Variants in TBL1X observed in about 807,000 individuals in gnomAD.
TBL1X encodes F-box-like/WD repeat-containing protein TBL1X.
TBL1X carries 10 observed loss-of-function variants against 50.7 expected under a neutral mutation model. The observed-to-expected ratio is 0.20, with a 90% CI of 0.12 to 0.33. The LOEUF is 0.33. Among genes scored for constraint, TBL1X ranks in the 10% least tolerant of loss-of-function variants. The probability of loss-of-function intolerance (pLI) is 1.00; values close to 1 mark genes in which losing one functional copy is unlikely to be tolerated. For synonymous variants in TBL1X, 190 were observed against 214.7 expected, an observed-to-expected ratio of 0.88 and a Z score of 1.01; for missense variants, 340 against 504.4, an observed-to-expected ratio of 0.67 and a Z score of 3.12.
intron 1 of TBL1X, among the ~76,000 whole-genome samples, chrX:9,475,461 G>A (rs1245502143): frequency 9.1e-6 from 1 of 109,632 alleles, no homozygotes; most frequent in Non-Finnish European, 1.9e-5. Flanking sequence ...GGCCAGGCTG[G>A]TTTCGAACTC....
At chrX:9,554,439 C>G (rs1176098486) in intron 2 of TBL1X, among the ~76,000 whole-genome samples, 1 of 112,168 alleles carries the variant, frequency 8.9e-6, no homozygotes, top group Non-Finnish European at 1.9e-5. Context: ...ATGTTATGTA[C>G]AAATATGACT....
At chrX:9,628,303 A>G (rs2146575583) in intron 2 of TBL1X, among the ~76,000 whole-genome samples, 1 of 111,938 alleles carries the variant, frequency 8.9e-6, no homozygotes, top group African/African-American at 3.2e-5. Flanking sequence ...CCCCCACTGG[A>G]TGCCAGCAGC....
intron 2 of TBL1X, among the ~76,000 whole-genome samples, chrX:9,627,706 C>A (rs1485847525): frequency 8.9e-6 from 1 of 112,216 alleles, no homozygotes; most frequent in Non-Finnish European, 1.9e-5. Flanking sequence ...AGTTACTACT[C>A]CCTTCAATAT....
intron 2 of TBL1X, chrX:9,534,931 C>T (rs1301669996): frequency 8.9e-6 from 1 of 111,885 alleles, no homozygotes; most frequent in Non-Finnish European, 1.9e-5. Context: ...CTCCCTGCTT[C>T]TTTGAATTTC....
In TBL1X at chrX:9,486,351, C is replaced by T. The variant is rs188316655; in HGVS notation, c.-200-15429C>T. 4.0e-3 allele frequency among the ~76,000 whole-genome samples: 441 copies of T among 109,448 alleles called. 4 individuals carry two copies. The highest frequency in any genetic ancestry group is 0.014 in the African/African-American group (416 of 30,027). On this transcript the variant is annotated intron_variant, in intron 1 of 17. Transcript: ENST00000645353. ...TGGGCTCAAGCGATCCTCCCACCTC[C>T]GCCTCTCTAGCAGCTAGGACTACAG...
At chrX:9,700,753 G>A (rs139357512) in intron 12 of TBL1X, among the ~76,000 whole-genome samples, 8 of 111,289 alleles carry the variant, frequency 7.2e-5, no homozygotes, top group African/African-American at 2.6e-4. Context: ...ACACCTCGTG[G>A]GGGCGCCCTT....
intron 2 of TBL1X, among the ~76,000 whole-genome samples, chrX:9,579,740 A>G (rs1224350987): frequency 5.4e-5 from 6 of 110,773 alleles, no homozygotes; most frequent in Non-Finnish European, 9.5e-5. Context: ...GGTGAATGCT[A>G]TTTTACAACT....
At chrX:9,610,342 C>T (rs767360977) in intron 2 of TBL1X, among the ~76,000 whole-genome samples, 22 of 112,452 alleles carry the variant, frequency 2.0e-4, no homozygotes, top group Non-Finnish European at 3.2e-4. Flanking sequence ...TAGCCAATAA[C>T]GGATTATTTT....
chrX:9,655,216 A>C (rs1439431721), intron 5 of TBL1X, among the ~76,000 whole-genome samples: 2 of 111,024 alleles, frequency 1.8e-5, no homozygotes, highest in Non-Finnish European at 3.8e-5. Context: ...GCTTAAAAAG[A>C]AATATGTTGT....
chrX:9,700,249 G>A (rs189416399), intron 12 of TBL1X, among the ~76,000 whole-genome samples: 2 of 112,490 alleles, frequency 1.8e-5, no homozygotes, highest in Non-Finnish European at 3.8e-5. Flanking sequence ...CAGACCCCGG[G>A]GGGTGAGGCA....
At chrX:9,651,503 G>A (rs779826871) in intron 3 of TBL1X, among the ~76,000 whole-genome samples, 5 of 112,523 alleles carry the variant, frequency 4.4e-5, no homozygotes, top group Non-Finnish European at 7.5e-5. Context: ...ATTTGCTATT[G>A]GCACTGTGTT....
intron 2 of TBL1X, among the ~76,000 whole-genome samples, chrX:9,524,037 C>G (rs1441232002): frequency 2.3e-5 from 2 of 88,776 alleles, no homozygotes; most frequent in Non-Finnish European, 4.2e-5. Flanking sequence ...GCACGATCTT[C>G]ACTCACTGCA....
At chrX:9,575,129 C>G (rs1276326384) in intron 2 of TBL1X, among the ~76,000 whole-genome samples, 1 of 111,457 alleles carries the variant, frequency 9.0e-6, no homozygotes, top group Non-Finnish European at 1.9e-5. Flanking sequence ...GGAGGCAAGA[C>G]ACATCTTACC....
At chrX:9,464,993 A>T (rs1048292766), upstream of TBL1X, 1 of 107,343 alleles carries the variant, frequency 9.3e-6, no homozygotes, top group African/African-American at 3.4e-5. Context: ...GTCCCCTCCC[A>T]CGGCCGTGAG....
At chrX:9,507,341 A>G (rs2082031131) in intron 2 of TBL1X, among the ~76,000 whole-genome samples, 1 of 111,651 alleles carries the variant, frequency 9.0e-6, no homozygotes, top group African/African-American at 3.3e-5. Flanking sequence ...CCCATAGACA[A>G]TTGCCACAAA....
intron 2 of TBL1X, among the ~76,000 whole-genome samples, chrX:9,564,493 G>T (rs773403862): frequency 2.7e-5 from 3 of 110,725 alleles, no homozygotes; most frequent in South Asian, 3.8e-4. Context: ...CAGCACTTTG[G>T]GGGGGCCCAG....
intron 5 of TBL1X, among the ~76,000 whole-genome samples, chrX:9,682,456 A>G (rs746104498): frequency 2.7e-5 from 3 of 112,052 alleles, no homozygotes; most frequent in Non-Finnish European, 5.6e-5. Flanking sequence ...ATAAATCTCA[A>G]CTACACATTT....
chrX:9,491,324 ATATATATATATATATTTT>A (rs1453166780), intron 1 of TBL1X, among the ~76,000 whole-genome samples: 57 of 67,830 alleles, frequency 8.4e-4, no homozygotes, highest in African/African-American at 3.6e-3. Context: ...ATATATATAT[ATATATATATATATATTTT>A]TTTTTTTTTT....
Position 9,544,733 on chromosome X carries a change from T to G in TBL1X, c.-131+42884T>G, listed in dbSNP as rs766180002. 1.5e-4 allele frequency among the ~76,000 whole-genome samples: 16 copies of G among 109,436 alleles called. No individual in the cohort carries two copies. The South Asian group carries it at 5.1e-3, about 35-fold the overall frequency. ...ATGCACCACCACGCCCAGCTAATTT[T>G]TTTGTAATTTTTTGTACAGACAGGG... On this transcript the variant is annotated intron_variant, in intron 2 of 17. Transcript: ENST00000645353.
Sources: gnomAD v4.1 joint callset for allele counts (sites outside exome capture counted in the v4.1 genomes callset) on GRCh38, gnomAD v4.1.1 for gene constraint, MANE v1.5 for transcripts, NCBI Gene and HGNC (gene_info 2026-07-23, HGNC 2026-07-21) for gene names.